Variants in ELAVL2 observed in about 807,000 individuals in gnomAD.
ELAVL2 encodes the protein ELAV-like protein 2.
Under a neutral mutation model 34.6 loss-of-function variants are expected in ELAVL2, and 4 were observed. That is an observed-to-expected ratio of 0.12 (90% CI 0.06 to 0.26). ELAVL2 has a LOEUF of 0.26. Among genes scored for constraint, ELAVL2 ranks in the 10% least tolerant of loss-of-function variants. The probability of loss-of-function intolerance (pLI) is 1.00; values close to 1 mark genes in which losing one functional copy is unlikely to be tolerated. For missense variants in ELAVL2, 432 were observed against 442.8 expected (o/e 0.98, Z 0.22); for synonymous variants, 193 against 154.8 (o/e 1.25, Z -1.83).
At chr9:23,724,427 G>A (rs896693644) in intron 3 of ELAVL2, among the ~76,000 whole-genome samples, 6 of 151,370 alleles carry the variant, frequency 4.0e-5, no homozygotes, top group African/African-American at 1.5e-4. Context: ...AGTAACACAA[G>A]AGGCCTGAGG....
intron 2 of ELAVL2, among the ~76,000 whole-genome samples, chr9:23,734,571 A>G (rs2047365554): frequency 6.6e-6 from 1 of 152,160 alleles, no homozygotes; most frequent in Non-Finnish European, 1.5e-5. Flanking sequence ...ACTAGTTTGT[A>G]CCCAATATGC....
At chr9:23,779,979 TAAAAAAAAAAAAAAAAAAAAAAAAAAA>T (rs61251366) in intron 1 of ELAVL2, among the ~76,000 whole-genome samples, 551 of 48,212 alleles carry the variant, frequency 0.011, 18 homozygotes, top group African/African-American at 0.031. Context: ...TAGTGTTCCT[TAAAAAAAAAAAAAAAAAAAAAAAAAAA>T]AAAAAAAAAA....
At chr9:23,753,868 A>T (rs2052811144) in intron 2 of ELAVL2, among the ~76,000 whole-genome samples, 1 of 152,178 alleles carries the variant, frequency 6.6e-6, no homozygotes, top group South Asian at 2.1e-4. Context: ...TTCAACTGTA[A>T]TTTTATTTTC....
chr9:23,844,179 A>G, the ELAVL2 span, among the ~76,000 whole-genome samples: 5 of 152,072 alleles, frequency 3.3e-5, no homozygotes, highest in East Asian at 5.8e-4. Context: ...GTGCTCCTAA[A>G]AGTACTTTTT....
the ELAVL2 span, among the ~76,000 whole-genome samples, chr9:23,849,217 T>A: frequency 1.3e-5 from 2 of 152,282 alleles, no homozygotes; most frequent in Admixed American, 1.3e-4. Context: ...GAAGGACTCT[T>A]AAATGAATGA....
chr9:23,735,880 C>G (rs898055705), intron 2 of ELAVL2, among the ~76,000 whole-genome samples: 1 of 152,032 alleles, frequency 6.6e-6, no homozygotes, highest in African/African-American at 2.4e-5. Flanking sequence ...GGGTTCAGAG[C>G]AAGGAGAGGA....
At chr9:23,794,732 A>C (rs534252117) in intron 1 of ELAVL2, among the ~76,000 whole-genome samples, 1 of 152,200 alleles carries the variant, frequency 6.6e-6, no homozygotes, top group African/African-American at 2.4e-5. Flanking sequence ...AAACCAGTCT[A>C]ATCTTTTCAG....
chr9:23,731,168 C>G, intron 2 of ELAVL2, 43 bp from the exon 3 acceptor site: 1 of 1,540,430 alleles, frequency 6.5e-7, no homozygotes, highest in Non-Finnish European at 8.8e-7. Context: ...TAGTTCTATA[C>G]TGTTGACAGA....
chr9:23,756,117 G>T (rs535833357), intron 2 of ELAVL2, among the ~76,000 whole-genome samples: 2 of 152,230 alleles, frequency 1.3e-5, no homozygotes, highest in South Asian at 2.1e-4. Flanking sequence ...CATTAAAATA[G>T]TTTGGAAATC....
At chr9:23,723,872 T>A (rs1305412118) in intron 3 of ELAVL2, among the ~76,000 whole-genome samples, 2 of 152,062 alleles carry the variant, frequency 1.3e-5, no homozygotes, top group Non-Finnish European at 2.9e-5. Context: ...CCCCTTTCAA[T>A]TCCACACGTG....
At chr9:23,830,732 G>A (rs189125412), upstream of ELAVL2, among the ~76,000 whole-genome samples, 37 of 151,702 alleles carry the variant, frequency 2.4e-4, no homozygotes, top group Non-Finnish European at 4.9e-4. Flanking sequence ...AGAGTGTCTA[G>A]GAAAATATAT....
At chr9:23,765,623 T>TA (rs774149148) in intron 1 of ELAVL2, among the ~76,000 whole-genome samples, 11 of 152,190 alleles carry the variant, frequency 7.2e-5, no homozygotes, top group African/African-American at 1.2e-4. Flanking sequence ...TCCTGGGACT[T>TA]AAAATTAAAA....
In ELAVL2 at chr9:23,762,184, A is replaced by T. The variant is rs1388136106; in HGVS notation, c.51T>A (p.Gly17=). The change falls in exon 2 of 7, where the codon GGT becomes GGA. Residue 17 remains glycine (G), a synonymous_variant. Transcript: ENST00000397312. ...AACAGTTGTTGTTTATGGTGGTTGG[A>T]CCATTGGCTGTGTTATTGCAAGTTG... ...NGPTCNNTAN[G]PTTINNNCSS... 3 of 1,613,452 alleles carry T rather than the reference A, an allele frequency of 1.9e-6. No individual in the cohort carries two copies. The African/African-American group carries it at 4.0e-5, about 22-fold the overall frequency.
At chr9:23,843,138 G>A in the ELAVL2 span, among the ~76,000 whole-genome samples, 1 of 152,108 alleles carries the variant, frequency 6.6e-6, no homozygotes, top group East Asian at 1.9e-4. Flanking sequence ...TATACAGCTG[G>A]ATTGGGCAAG....
chr9:23,736,482 G>C (rs1210784740), intron 2 of ELAVL2, among the ~76,000 whole-genome samples: 1 of 152,122 alleles, frequency 6.6e-6, no homozygotes, highest in Admixed American at 6.5e-5. Context: ...GGTGAGAGTG[G>C]GGAGGGGAGG....
At chr9:23,742,146 A>G (rs1018414236) in intron 2 of ELAVL2, among the ~76,000 whole-genome samples, 29 of 152,172 alleles carry the variant, frequency 1.9e-4, no homozygotes, top group African/African-American at 7.0e-4. Flanking sequence ...CTTGCACTAT[A>G]AAACTAACAG....
chr9:23,813,667 A>C (rs2063327010), intron 1 of ELAVL2, among the ~76,000 whole-genome samples: 1 of 152,166 alleles, frequency 6.6e-6, no homozygotes, highest in Admixed American at 6.5e-5. Context: ...GAGAAAAGGT[A>C]AGTTAAGCTG....
Position 23,704,979 on chromosome 9 carries a change from T to A in ELAVL2, c.426A>T (p.Glu142Asp), listed in dbSNP as rs1050720261. Residue 142 changes from glutamate (E) to aspartate (D), a missense_variant, in exon 4 of 7, where the codon GAA (glutamate) becomes GAT (aspartate). Around this residue, in one of 3 missense-constraint regions of ELAVL2, gnomAD observed 295 missense variants for 306.1 expected, o/e 0.96. Transcript: ENST00000397312. ...TGCGTCCATATTGTGAAAAAAGCTG[T>A]TCCAACTCCTTCTGGGTCATTGTTT... ...LPKTMTQKEL[E>D]QLFSQYGRII... 4.3e-6 allele frequency: 7 copies of A among 1,614,016 alleles called. No individual in the cohort carries two copies. The East Asian group carries it at 1.6e-4, about 36-fold the overall frequency.
At chr9:23,733,245 T>G (rs1043171228) in intron 2 of ELAVL2, among the ~76,000 whole-genome samples, 4 of 150,724 alleles carry the variant, frequency 2.7e-5, no homozygotes, top group Middle Eastern at 3.2e-3. Flanking sequence ...TAGATAGATA[T>G]ATATACATAT....
Sources: allele counts gnomAD v4.1 joint callset (sites outside exome capture counted in the v4.1 genomes callset), GRCh38; gene constraint gnomAD v4.1.1; regional missense constraint gnomAD v4.1.1; transcripts MANE v1.5; gene names NCBI Gene and HGNC (gene_info 2026-07-23, HGNC 2026-07-21).